PSD3: variants seen among roughly 807,000 people sequenced by gnomAD.
PSD3 encodes the protein PH and SEC7 domain-containing protein 3.
PSD3 carries 49 observed loss-of-function variants against 105.5 expected under a neutral mutation model. That is an observed-to-expected ratio of 0.46 (90% CI 0.37 to 0.59). The LOEUF is 0.59. PSD3 is among the 20% of genes least tolerant of loss of function. The probability of loss-of-function intolerance (pLI) is 0.00; values close to 1 mark genes in which losing one functional copy is unlikely to be tolerated. For synonymous variants in PSD3, 557 were observed against 457.8 expected (o/e 1.22, Z -2.77); for missense variants, 1,561 against 1,263.8 (o/e 1.24, Z -3.57).
intron 9 of PSD3, among the ~76,000 whole-genome samples, chr8:18,711,536 CCT>C (rs1802256568): frequency 6.6e-6 from 1 of 152,094 alleles, no homozygotes; most frequent in Non-Finnish European, 1.5e-5. Flanking sequence ...CAAAGAAGTG[CCT>C]CACATAACGG....
At chr8:18,951,650 C>A (rs990876587) in intron 1 of PSD3, among the ~76,000 whole-genome samples, 3 of 152,030 alleles carry the variant, frequency 2.0e-5, no homozygotes, top group South Asian at 2.1e-4. Flanking sequence ...AAATAATTAG[C>A]CATGAAGTTG....
At chr8:19,054,131 T>G (rs1203760784) in intron 1 of PSD3, among the ~76,000 whole-genome samples, 3 of 152,222 alleles carry the variant, frequency 2.0e-5, no homozygotes, top group African/African-American at 7.2e-5. Context: ...GCCTTTCTCC[T>G]GCCGCGGGCT....
intron 4 of PSD3, chr8:18,809,017 C>T: frequency 9.5e-7 from 1 of 1,055,860 alleles, no homozygotes; most frequent in African/African-American, 1.6e-5. Context: ...GGGCCACTGT[C>T]TATCGAGAAC....
At chr8:18,848,194 G>C (rs1815254507) in intron 4 of PSD3, among the ~76,000 whole-genome samples, 1 of 152,096 alleles carries the variant, frequency 6.6e-6, no homozygotes, top group African/African-American at 2.4e-5. Context: ...TCTAAAAGAA[G>C]GCATTCACTG....
At chr8:18,906,942 T>C (rs964240574) in intron 2 of PSD3, among the ~76,000 whole-genome samples, 2 of 152,160 alleles carry the variant, frequency 1.3e-5, no homozygotes, top group Non-Finnish European at 2.9e-5. Flanking sequence ...TGTGTCTTCA[T>C]TTTCAACAGA....
chr8:18,820,500 T>G (rs946980963), intron 4 of PSD3, among the ~76,000 whole-genome samples: 7 of 152,190 alleles, frequency 4.6e-5, no homozygotes, highest in Admixed American at 2.6e-4. Context: ...ATAACCTATA[T>G]ACACTCTGCT....
At chr8:18,906,056 G>C (rs1325925210) in intron 2 of PSD3, among the ~76,000 whole-genome samples, 1 of 152,154 alleles carries the variant, frequency 6.6e-6, no homozygotes, top group East Asian at 1.9e-4. Context: ...GATTGAACTA[G>C]GATAACAGTT....
chr8:19,063,041 T>A (rs935100481), intron 1 of PSD3, among the ~76,000 whole-genome samples: 3 of 152,208 alleles, frequency 2.0e-5, no homozygotes, highest in African/African-American at 7.2e-5. Context: ...ACTTGAAGAA[T>A]ACAGATTTAA....
intron 2 of PSD3, among the ~76,000 whole-genome samples, chr8:18,920,828 C>T (rs1267616741): frequency 6.6e-6 from 1 of 152,122 alleles, no homozygotes; most frequent in African/African-American, 2.4e-5. Flanking sequence ...TCCCCAATCA[C>T]TGTGATAACT....
rs1828989915 is a variant in PSD3 at position 19,064,007 on chromosome 8, G to T, written c.324+20199C>A. Among the ~76,000 whole-genome samples the T allele has an allele frequency of 2.0e-5, 3 of 152,142 alleles. No individual in the cohort carries two copies. In the South Asian group the frequency reaches 6.2e-4, roughly 32 times the overall value. ...AAATACAAAATTAGCCAGGCGTGGTGGTGCACACCTGTAATCCCAGCTACT... is the reference window on the plus strand; with the variant it reads ...AAATACAAAATTAGCCAGGCGTGGTTGTGCACACCTGTAATCCCAGCTACT... On this transcript the variant is annotated intron_variant, in intron 1 of 1. Coordinates refer to the PSD3 transcript ENST00000521475.
chr8:18,784,143 T>C (rs755488283), intron 8 of PSD3, among the ~76,000 whole-genome samples: 6 of 152,160 alleles, frequency 3.9e-5, no homozygotes, highest in East Asian at 1.9e-4. Flanking sequence ...ACTTTAAAGA[T>C]TACTCTCCTG....
chr8:18,731,228 C>T (rs994482647), intron 9 of PSD3, among the ~76,000 whole-genome samples: 3 of 152,114 alleles, frequency 2.0e-5, no homozygotes, highest in African/African-American at 7.2e-5. Context: ...TGCACTCTTG[C>T]CTGGGTGACA....
intron 1 of PSD3, among the ~76,000 whole-genome samples, chr8:19,013,081 TA>T (rs1185438317): frequency 6.6e-6 from 1 of 152,210 alleles, no homozygotes; most frequent in Non-Finnish European, 1.5e-5. Context: ...TAAATGCATG[TA>T]AAACAGAATG....
intron 1 of PSD3, among the ~76,000 whole-genome samples, chr8:18,987,600 T>G (rs1183079662): frequency 6.6e-6 from 1 of 152,024 alleles, no homozygotes; most frequent in East Asian, 1.9e-4. Flanking sequence ...AGAGGATCAT[T>G]TGAAGCCAGG....
At chr8:18,601,862 G>C (rs147698989) in intron 11 of PSD3, among the ~76,000 whole-genome samples, 1 of 152,282 alleles carries the variant, frequency 6.6e-6, no homozygotes, top group Non-Finnish European at 1.5e-5. Flanking sequence ...GGCTGAGAGG[G>C]CTGCTGCAGA....
intron 9 of PSD3, among the ~76,000 whole-genome samples, chr8:18,688,692 T>C (rs1454986425): frequency 2.0e-5 from 3 of 152,210 alleles, no homozygotes; most frequent in Non-Finnish European, 2.9e-5. Context: ...CCCACAATCA[T>C]GGTGTTAGGT....
At chr8:18,536,784 C>T (rs1313014055) in intron 15 of PSD3, among the ~76,000 whole-genome samples, 1 of 151,574 alleles carries the variant, frequency 6.6e-6, no homozygotes, top group African/African-American at 2.4e-5. Flanking sequence ...CTATCCCAAT[C>T]AATATATAGA....
chr8:18,817,386 C>T (rs2638611), intron 4 of PSD3, among the ~76,000 whole-genome samples: 126,153 of 152,074 alleles, frequency 0.83, 52,666 homozygotes, highest in East Asian at 0.9. Flanking sequence ...ACCTAATTCA[C>T]CCTGTAGGTC....
At chr8:19,022,111 C>T (rs753460844) in intron 1 of PSD3, among the ~76,000 whole-genome samples, 12 of 152,008 alleles carry the variant, frequency 7.9e-5, no homozygotes, top group Non-Finnish European at 1.5e-4. Context: ...GGGAGGTACC[C>T]CACTTTTTAA....
Sources: gnomAD v4.1 joint callset for allele counts (sites outside exome capture counted in the v4.1 genomes callset) on GRCh38, gnomAD v4.1.1 for gene constraint, MANE v1.5 for transcripts, NCBI Gene and HGNC (gene_info 2026-07-23, HGNC 2026-07-21) for gene names.